Variants in METTL15 observed in about 807,000 individuals in gnomAD.
METTL15 encodes 12S rRNA N(4)-cytidine methyltransferase METTL15.
METTL15 carries 34 observed loss-of-function variants against 38.3 expected under a neutral mutation model. That is an observed-to-expected ratio of 0.89 (90% CI 0.68 to 1.18). The LOEUF (loss-of-function observed/expected upper bound fraction) is 1.18. Among genes scored for constraint, METTL15 ranks in the 50% most tolerant of loss-of-function variants. The probability of loss-of-function intolerance (pLI) is 0.00; values close to 1 mark genes in which losing one functional copy is unlikely to be tolerated. For synonymous variants in METTL15, 162 were observed against 170.9 expected (o/e 0.95, Z 0.41); for missense variants, 438 against 498.4 (o/e 0.88, Z 1.15).
At chr11:28,425,563 T>C (rs1176358937) in intron 6 of METTL15, among the ~76,000 whole-genome samples, 2 of 152,226 alleles carry the variant, frequency 1.3e-5, no homozygotes, top group Admixed American at 1.3e-4. Context: ...CCTTTGCTTT[T>C]ATGACCTCTA....
chr11:28,497,565 G>A (rs1851546159), intron 6 of METTL15, among the ~76,000 whole-genome samples: 1 of 152,210 alleles, frequency 6.6e-6, no homozygotes, highest in African/African-American at 2.4e-5. Context: ...GAATACCACA[G>A]ACTGGGTAAC....
intron 4 of METTL15, among the ~76,000 whole-genome samples, chr11:28,255,589 T>C (rs1854938895): frequency 6.6e-6 from 1 of 152,210 alleles, no homozygotes; most frequent in African/African-American, 2.4e-5. Flanking sequence ...GGGTCTATCA[T>C]ATATGGTTTT....
At chr11:28,140,134 T>A (rs1849650317) in intron 3 of METTL15, among the ~76,000 whole-genome samples, 3 of 152,092 alleles carry the variant, frequency 2.0e-5, no homozygotes. Context: ...CTGTGGCCCT[T>A]GGGGTGGGGG....
chr11:28,179,412 C>T (rs566416384), intron 3 of METTL15, among the ~76,000 whole-genome samples: 1 of 151,836 alleles, frequency 6.6e-6, no homozygotes, highest in Admixed American at 6.6e-5. Context: ...GTAATTACTA[C>T]TCAAATGAAG....
chr11:28,286,903 A>G (rs890659509), intron 4 of METTL15, among the ~76,000 whole-genome samples: 7 of 151,608 alleles, frequency 4.6e-5, no homozygotes, highest in African/African-American at 7.3e-5. Flanking sequence ...CTATATATAT[A>G]TGTGTGTGTG....
At chr11:28,402,232 C>T (rs1850636692) in intron 5 of METTL15, among the ~76,000 whole-genome samples, 2 of 151,938 alleles carry the variant, frequency 1.3e-5, no homozygotes, top group Admixed American at 6.6e-5. Context: ...GTCAATCCAA[C>T]CTGTGGATTC....
chr11:28,169,892 C>G (rs1850791247), intron 3 of METTL15, among the ~76,000 whole-genome samples: 1 of 151,674 alleles, frequency 6.6e-6, no homozygotes, highest in African/African-American at 2.4e-5. Flanking sequence ...GAAAATTTTT[C>G]CTAAAGCCTG....
chr11:28,270,712 G>T (rs1855608805), intron 4 of METTL15, among the ~76,000 whole-genome samples: 1 of 152,146 alleles, frequency 6.6e-6, no homozygotes, highest in Non-Finnish European at 1.5e-5. Context: ...TTAACTCAAT[G>T]TCTGGCACAT....
intron 6 of METTL15, among the ~76,000 whole-genome samples, chr11:28,322,318 A>G (rs769563351): frequency 9.9e-5 from 15 of 152,262 alleles, no homozygotes; most frequent in South Asian, 2.1e-4. Flanking sequence ...TTCCAAATCA[A>G]TAAAGCAGAG....
intron 4 of METTL15, among the ~76,000 whole-genome samples, chr11:28,242,487 A>G (rs1854342160): frequency 6.6e-6 from 1 of 152,242 alleles, no homozygotes; most frequent in Non-Finnish European, 1.5e-5. Context: ...CATCATTCCT[A>G]GAATATAAAA....
intron 3 of METTL15, among the ~76,000 whole-genome samples, chr11:28,188,511 G>A (rs1163187657): frequency 6.6e-6 from 1 of 151,182 alleles, no homozygotes; most frequent in Non-Finnish European, 1.5e-5. Flanking sequence ...ATGTCCAAAT[G>A]TTTACTTACT....
At position 28,293,186 on chromosome 11, in the gene METTL15, T is replaced by C. The variant is rs1856590505; in HGVS notation, c.599+2789T>C. ...TTTTCTCCTAAGGTTTTTATGGTTT[T>C]AGGTCTAACATTTAAGTCTTTAATC... On this transcript the variant is annotated intron_variant, in intron 5 of 6. Coordinates refer to ENST00000407364, the MANE Select transcript of METTL15 (RefSeq NM_001113528.2). 5.9e-5 allele frequency among the ~76,000 whole-genome samples: 9 copies of C among 152,216 alleles called. No individual in the cohort carries two copies. In the South Asian group the frequency reaches 1.9e-3, roughly 32 times the overall value.
chr11:28,262,859 T>C (rs2133943072), intron 4 of METTL15, among the ~76,000 whole-genome samples: 1 of 152,224 alleles, frequency 6.6e-6, no homozygotes. Context: ...CATCCAAATG[T>C]CCAGGTCTTC....
chr11:28,487,469 C>T (rs1237299320), intron 6 of METTL15, among the ~76,000 whole-genome samples: 1 of 152,052 alleles, frequency 6.6e-6, no homozygotes, highest in East Asian at 1.9e-4. Flanking sequence ...ATTTATTCTA[C>T]ATACTATATG....
chr11:28,389,295 T>C (rs556339062), intron 5 of METTL15, among the ~76,000 whole-genome samples: 21 of 151,286 alleles, frequency 1.4e-4, no homozygotes, highest in African/African-American at 5.1e-4. Context: ...GTTAGTTACA[T>C]ATGTATACAT....
intron 5 of METTL15, among the ~76,000 whole-genome samples, chr11:28,379,541 T>C (rs1850358876): frequency 6.6e-6 from 1 of 152,200 alleles, no homozygotes; most frequent in Non-Finnish European, 1.5e-5. Context: ...ATTATTAAAT[T>C]CTAGTTTTAT....
intron 5 of METTL15, among the ~76,000 whole-genome samples, chr11:28,372,314 T>C (rs1221915030): frequency 1.3e-5 from 2 of 152,128 alleles, no homozygotes; most frequent in East Asian, 1.9e-4. Flanking sequence ...GTTGCATCCC[T>C]GGGAAGAATC....
intron 6 of METTL15, chr11:28,518,978 T>G (rs1365110427): frequency 6.6e-6 from 1 of 152,262 alleles, no homozygotes; most frequent in African/African-American, 2.4e-5. Flanking sequence ...TATGCATATT[T>G]GTTTGTTTGC....
chr11:28,208,992 C>G (rs1248185510), intron 3 of METTL15, among the ~76,000 whole-genome samples: 1 of 151,898 alleles, frequency 6.6e-6, no homozygotes, highest in Non-Finnish European at 1.5e-5. Context: ...TTGTCTGCCA[C>G]TTTTTGGTTT....
Sources: gnomAD v4.1 joint callset for allele counts (sites outside exome capture counted in the v4.1 genomes callset) on GRCh38, gnomAD v4.1.1 for gene constraint, MANE v1.5 for transcripts, NCBI Gene and HGNC (gene_info 2026-07-23, HGNC 2026-07-21) for gene names.